SLC4A4: variants seen among roughly 807,000 people sequenced by gnomAD.
The protein encoded by SLC4A4 is electrogenic sodium bicarbonate cotransporter 1.
A neutral mutation model predicts 111.5 loss-of-function variants in SLC4A4; 27 were observed. The observed-to-expected ratio is 0.24, with a 90% CI of 0.18 to 0.33. The LOEUF (loss-of-function observed/expected upper bound fraction) is 0.33. Among genes scored for constraint, SLC4A4 ranks in the 10% least tolerant of loss-of-function variants. The pLI is 1.00. For synonymous variants in SLC4A4, 443 were observed against 463.4 expected (o/e 0.96, Z 0.57); for missense variants, 909 against 1,315.5 (o/e 0.69, Z 4.78).
chr4:71,292,099 A>G (rs1344436791), intron 3 of SLC4A4, among the ~76,000 whole-genome samples: 1 of 152,198 alleles, frequency 6.6e-6, no homozygotes, highest in African/African-American at 2.4e-5. Context: ...GTAGAAAGAA[A>G]CCAAACTTCT....
At chr4:71,165,177 A>G (rs1744709636) in intron 2 of SLC4A4, among the ~76,000 whole-genome samples, 1 of 152,308 alleles carries the variant, frequency 6.6e-6, no homozygotes, top group Non-Finnish European at 1.5e-5. Context: ...CAGAAATACC[A>G]TTTGACCCAG....
intron 15 of SLC4A4, among the ~76,000 whole-genome samples, chr4:71,496,041 A>G (rs1296944379): frequency 1.3e-5 from 2 of 152,258 alleles, no homozygotes; most frequent in South Asian, 2.1e-4. Context: ...AAACATCAGT[A>G]TAAGGGCGAT....
intron 7 of SLC4A4, among the ~76,000 whole-genome samples, chr4:71,435,564 C>A (rs1454433234): frequency 6.6e-6 from 1 of 152,182 alleles, no homozygotes; most frequent in Non-Finnish European, 1.5e-5. Flanking sequence ...CAAATGGGAT[C>A]TAATTAAACA....
At chr4:71,238,176 T>G (rs1413936260) in intron 2 of SLC4A4, among the ~76,000 whole-genome samples, 1 of 152,220 alleles carries the variant, frequency 6.6e-6, no homozygotes, top group Non-Finnish European at 1.5e-5. Flanking sequence ...GAGTGACATA[T>G]ACTGTGTGCG....
chr4:71,417,820 G>C (rs1322899553), intron 7 of SLC4A4, among the ~76,000 whole-genome samples: 1 of 152,158 alleles, frequency 6.6e-6, no homozygotes, highest in East Asian at 1.9e-4. Flanking sequence ...ACTTTAGGTA[G>C]TAAAATCTAT....
intron 3 of SLC4A4, among the ~76,000 whole-genome samples, chr4:71,278,431 T>G (rs753116739): frequency 6.6e-6 from 1 of 152,154 alleles, no homozygotes; most frequent in Non-Finnish European, 1.5e-5. Context: ...AGAAACTGAT[T>G]TAGTTTCTTT....
At chr4:71,416,188 G>A (rs1334669854) in intron 7 of SLC4A4, among the ~76,000 whole-genome samples, 3 of 152,164 alleles carry the variant, frequency 2.0e-5, no homozygotes, top group East Asian at 1.9e-4. Flanking sequence ...TCTTCGTTCT[G>A]CCTTTTCTAG....
chr4:71,421,893 C>T (rs1406615640), intron 7 of SLC4A4, among the ~76,000 whole-genome samples: 2 of 151,670 alleles, frequency 1.3e-5, no homozygotes, highest in Non-Finnish European at 2.9e-5. Flanking sequence ...AGGAAAGATC[C>T]AAAATTGACA....
At chr4:71,186,575 C>A (rs1169505304), upstream of SLC4A4, among the ~76,000 whole-genome samples, 1 of 151,774 alleles carries the variant, frequency 6.6e-6, no homozygotes, top group East Asian at 1.9e-4. Flanking sequence ...GGGCGCTGCG[C>A]ACAGAGCCCA....
intron 16 of SLC4A4, among the ~76,000 whole-genome samples, chr4:71,511,180 T>G (rs1731880349): frequency 6.6e-6 from 1 of 152,140 alleles, no homozygotes; most frequent in Non-Finnish European, 1.5e-5. Flanking sequence ...TTTTCTGAAC[T>G]TAACTATACA....
At chr4:71,450,658 T>A in intron 10 of SLC4A4, 115 bp downstream of exon 10, 2 of 975,784 alleles carry the variant, frequency 2.0e-6, no homozygotes, top group Non-Finnish European at 3.1e-6. Context: ...GGTTCCTGTT[T>A]AACTTGATGT....
intron 3 of SLC4A4, chr4:71,339,010 G>T: frequency 2.2e-6 from 3 of 1,387,520 alleles, no homozygotes; most frequent in Non-Finnish European, 1.9e-6. Context: ...ACTGGTTCAA[G>T]CTGGCTTTTG....
Position 71,406,581 on chromosome 4 carries a change from A to G in SLC4A4, c.807+8928A>G, listed in dbSNP as rs188002241. Among the ~76,000 whole-genome samples the G allele has an allele frequency of 1.1e-4, 17 of 151,370 alleles. No individual in the cohort carries two copies. In the East Asian group the frequency reaches 3.3e-3, roughly 30 times the overall value. Reference sequence around the variant, plus strand: ...ACCAGCAGAGCTTCCTGGTTTCTCCATGTGTTACCCACCAATGGGCTGGTT... The same window carrying G: ...ACCAGCAGAGCTTCCTGGTTTCTCCGTGTGTTACCCACCAATGGGCTGGTT... On this transcript the variant is annotated intron_variant, in intron 7 of 25. Coordinates refer to ENST00000264485, the MANE Select transcript of SLC4A4 (RefSeq NM_001098484.3).
At chr4:71,413,436 A>G (rs758503094) in intron 7 of SLC4A4, among the ~76,000 whole-genome samples, 4 of 152,212 alleles carry the variant, frequency 2.6e-5, no homozygotes, top group Non-Finnish European at 4.4e-5. Flanking sequence ...ACAATTTCTT[A>G]TTAGATCCCA....
chr4:71,242,856 C>G (rs1720362307), intron 2 of SLC4A4, among the ~76,000 whole-genome samples: 2 of 152,032 alleles, frequency 1.3e-5, no homozygotes, highest in African/African-American at 2.4e-5. Flanking sequence ...CTACATCTAG[C>G]CTTTGCCTTC....
In SLC4A4 at chr4:71,189,411, G is replaced by A. The variant is rs184776489; in HGVS notation, c.-2+2010G>A. On this transcript the variant is annotated intron_variant, in intron 1 of 25. Transcript: ENST00000264485. Reference sequence around the variant, plus strand: ...TTCTAAATGATTAAGAGACATTTTGGATTTACAAAAATGTTGTGTGAAAGA... The same window carrying A: ...TTCTAAATGATTAAGAGACATTTTGAATTTACAAAAATGTTGTGTGAAAGA... 1.7e-3 allele frequency among the ~76,000 whole-genome samples: 260 copies of A among 152,214 alleles called. 1 individual carries two copies. Among genetic ancestry groups the A allele is most frequent in the Middle Eastern group, 0.01 (3 of 294 alleles).
chr4:71,534,193 A>G, intron 17 of SLC4A4, 34 bp from the exon 18 acceptor site: 1 of 1,609,486 alleles, frequency 6.2e-7, no homozygotes, highest in East Asian at 2.2e-5. Context: ...TTAACCTGAT[A>G]ATTTTCTGAA....
At chr4:71,362,927 A>G (rs1560442316) in intron 6 of SLC4A4, among the ~76,000 whole-genome samples, 1 of 152,126 alleles carries the variant, frequency 6.6e-6, no homozygotes, top group East Asian at 1.9e-4. Context: ...TGCTCCTGAT[A>G]GAACCTCTGC....
chr4:71,091,341 A>C (rs2363442), intron 1 of SLC4A4, among the ~76,000 whole-genome samples: 151,043 of 151,116 alleles, frequency 1, 75,485 homozygotes, highest in Non-Finnish European at 1. Context: ...CAAGCTCCGC[A>C]TTCCGGGTTC....
Sources: allele counts gnomAD v4.1 joint callset (sites outside exome capture counted in the v4.1 genomes callset), GRCh38; gene constraint gnomAD v4.1.1; transcripts MANE v1.5; gene names NCBI Gene and HGNC (gene_info 2026-07-23, HGNC 2026-07-21).